The following SPATA12 variants were observed in gnomAD, a reference collection of about 807,000 sequenced individuals.
The protein encoded by SPATA12 is spermatogenesis-associated protein 12.
For synonymous variants in SPATA12, 85 were observed against 89.2 expected, an observed-to-expected ratio of 0.95 and a Z score of 0.26; for missense variants, 219 against 226.4, an observed-to-expected ratio of 0.97 and a Z score of 0.21.
At position 57,075,113 on chromosome 3, in the gene SPATA12, G is replaced by T; in HGVS notation, c.*846G>T. On this transcript the variant is annotated 3_prime_UTR_variant, in exon 2 of 2. Coordinates refer to ENST00000334325, the MANE Select transcript of SPATA12 (RefSeq NM_181727.2). Reference sequence around the variant, plus strand: ...TGAGGTTGCATGCAATTGTCCATGAGGCTGCTCCCTCATTTGTCTGGGTTT... The same window carrying T: ...TGAGGTTGCATGCAATTGTCCATGATGCTGCTCCCTCATTTGTCTGGGTTT... 1 of 167,244 alleles carries T rather than the reference G, an allele frequency of 6.0e-6. No individual in the cohort carries two copies. 10.4% of individuals were successfully genotyped at this position (167,244 alleles called of 1,614,324 possible). A position where few individuals can be genotyped will look rare whatever the true frequency, so the allele number is the denominator to read the frequency against.
In SPATA12 at chr3:57,074,892, G is replaced by C. The variant is rs935919110; in HGVS notation, c.*625G>C. ...TGTAAATGTAGGTACCAGCCTTCTAGTTGACCATCAGAACACACAACGCCA... is the reference window on the plus strand; with the variant it reads ...TGTAAATGTAGGTACCAGCCTTCTACTTGACCATCAGAACACACAACGCCA... On this transcript the variant is annotated 3_prime_UTR_variant, in exon 2 of 2. Coordinates refer to ENST00000334325, the MANE Select transcript of SPATA12 (RefSeq NM_181727.2). The C allele has an allele frequency of 6.0e-6, 1 of 167,456 alleles. No individual in the cohort carries two copies. Among genetic ancestry groups the C allele is most frequent in the Admixed American group, 6.5e-5 (1 of 15,312 alleles). 10.4% of individuals were successfully genotyped at this position (167,456 alleles called of 1,614,324 possible).
intron 1 of SPATA12, among the ~76,000 whole-genome samples, chr3:57,065,094 GA>G (rs1248701499): frequency 6.6e-6 from 1 of 152,222 alleles, no homozygotes; most frequent in African/African-American, 2.4e-5. Context: ...TTTAAGTTGG[GA>G]GAAATAACTG....
chr3:57,074,295 G>T lies in SPATA12; in HGVS notation c.*28G>T. Reference sequence around the variant, plus strand: ...AATAATAATCCTGCAACATCTGAGAGTCTGGCAGCTGTTTGTCTGGGCCTT... The same window carrying T: ...AATAATAATCCTGCAACATCTGAGATTCTGGCAGCTGTTTGTCTGGGCCTT... On this transcript the variant is annotated 3_prime_UTR_variant, in exon 2 of 2. Transcript: ENST00000334325. 6.3e-7 allele frequency: 1 copy of T among 1,585,218 alleles called. No individual in the cohort carries two copies. The highest frequency in any genetic ancestry group is 1.1e-5 in the South Asian group (1 of 87,718).
At position 57,073,394 on chromosome 3, in the gene SPATA12, C is replaced by T. The variant is rs769773979; in HGVS notation, c.-301C>T. On this transcript the variant is annotated 5_prime_UTR_variant, in exon 2 of 2. Transcript: ENST00000334325. ...AAAGGGAAGGAAAGAGAGAGAAAGC[C>T]ACTGGAGTTGGGCAGCGTGGGAAGC... is the stretch of plus-strand genomic sequence containing the variant. 7 of 323,720 alleles carry T rather than the reference C, an allele frequency of 2.2e-5. No homozygotes were observed. Among genetic ancestry groups the T allele is most frequent in the Non-Finnish European group, 4.0e-5 (7 of 177,134 alleles). The allele number at this position is 323,720 out of a possible 1,614,324, so 20.1% of individuals were successfully genotyped here.
intron 1 of SPATA12, among the ~76,000 whole-genome samples, chr3:57,071,991 A>G (rs1204841674): frequency 1.3e-5 from 2 of 152,248 alleles, no homozygotes; most frequent in African/African-American, 4.8e-5. Flanking sequence ...AAGAAGATAC[A>G]CAAATGGCCA....
At chr3:57,067,987 C>T (rs1705657176) in intron 1 of SPATA12, among the ~76,000 whole-genome samples, 1 of 150,362 alleles carries the variant, frequency 6.7e-6, no homozygotes, top group Non-Finnish European at 1.5e-5. Context: ...AAGACTCCGT[C>T]TCAAAAAAAA....
chr3:57,072,207 T>C (rs553887613), intron 1 of SPATA12, among the ~76,000 whole-genome samples: 70 of 152,308 alleles, frequency 4.6e-4, no homozygotes, highest in Middle Eastern at 3.4e-3. Flanking sequence ...GGAAACAGTT[T>C]GGCAGTTCCT....
rs1265488624 is a variant in SPATA12, at chr3:57,070,046, TAGC to T, written c.-329-3314_-329-3312del. Among the ~76,000 whole-genome samples the T allele has an allele frequency of 3.3e-5, 5 of 152,358 alleles. No individual in the cohort carries two copies. In the East Asian group the frequency reaches 5.8e-4, roughly 18 times the overall value. On this transcript the variant is annotated intron_variant, in intron 1 of 1. Coordinates refer to ENST00000334325, the MANE Select transcript of SPATA12 (RefSeq NM_181727.2). Reference sequence around the variant, plus strand: ...TGGGGGTGAGGGGCTAAGATTGTTTTAGCAGCAGAACTCTTTCCTCAAATGAAA... The same window carrying T: ...TGGGGGTGAGGGGCTAAGATTGTTTTAGCAGAACTCTTTCCTCAAATGAAA...
intron 1 of SPATA12, among the ~76,000 whole-genome samples, chr3:57,068,968 C>A (rs953134532): frequency 6.7e-6 from 1 of 149,334 alleles, no homozygotes; most frequent in South Asian, 2.1e-4. Flanking sequence ...ATCACCCAAG[C>A]TGGAGTGCTA....
intron 1 of SPATA12, among the ~76,000 whole-genome samples, chr3:57,068,164 C>T (rs1364041766): frequency 1.9e-5 from 1 of 53,886 alleles, no homozygotes; most frequent in African/African-American, 7.3e-5. Context: ...CGCGCACACA[C>T]ACATACACAC....
At chr3:57,069,191 G>A (rs1261440547) in intron 1 of SPATA12, among the ~76,000 whole-genome samples, 2 of 152,162 alleles carry the variant, frequency 1.3e-5, no homozygotes, top group African/African-American at 4.8e-5. Flanking sequence ...AAAGTGCTAG[G>A]ATTACAGGCG....
intron 1 of SPATA12, among the ~76,000 whole-genome samples, chr3:57,067,120 A>G (rs1254938354): frequency 2.0e-5 from 3 of 152,166 alleles, no homozygotes; most frequent in Non-Finnish European, 4.4e-5. Flanking sequence ...ATAAAAATAT[A>G]TTTTTTAAAA....
In SPATA12 at chr3:57,064,493, C is replaced by T. The variant is rs538945613; in HGVS notation, c.-330+3707C>T. Among the ~76,000 whole-genome samples the T allele has an allele frequency of 3.9e-5, 6 of 152,122 alleles. No individual in the cohort carries two copies. In the East Asian group the frequency reaches 1.2e-3, roughly 29 times the overall value. Reference sequence around the variant, plus strand: ...GCATGCCACCACGCCCAGCAAATTGCTGTATTTTTTGTAGACAGGGTATCA... The same window carrying T: ...GCATGCCACCACGCCCAGCAAATTGTTGTATTTTTTGTAGACAGGGTATCA... On this transcript the variant is annotated intron_variant, in intron 1 of 1. Transcript: ENST00000334325.
chr3:57,066,778 C>A (rs988133735), intron 1 of SPATA12, among the ~76,000 whole-genome samples: 4 of 152,116 alleles, frequency 2.6e-5, no homozygotes, highest in Admixed American at 2.0e-4. Context: ...GGGCTTTATC[C>A]AATCAGCTAT....
chr3:57,062,077 T>C (rs1057311420), intron 1 of SPATA12, among the ~76,000 whole-genome samples: 3 of 152,102 alleles, frequency 2.0e-5, no homozygotes, highest in African/African-American at 4.8e-5. Flanking sequence ...CTCCACTGGA[T>C]TGGATCTGTC....
Position 57,073,532 on chromosome 3 carries a change from T to TATCA in SPATA12, c.-163_-162insATCA. Reference sequence around the variant, plus strand: ...TGGGTGACTGTGGGGTTTGGCTCTGTTTGAGCACCCCGGGATGATTGGTGG... The same window carrying TATCA: ...TGGGTGACTGTGGGGTTTGGCTCTGTATCATTGAGCACCCCGGGATGATTGGTGG... On this transcript the variant is annotated 5_prime_UTR_variant, in exon 2 of 2. An upstream open reading frame in the 5' UTR loses its in-frame stop. Coordinates refer to ENST00000334325, the MANE Select transcript of SPATA12 (RefSeq NM_181727.2). 8.0e-7 allele frequency: 1 copy of TATCA among 1,248,334 alleles called. No homozygotes were observed. The highest frequency in any genetic ancestry group is 1.6e-5 in the South Asian group (1 of 61,056). 77.3% of individuals were successfully genotyped at this position (1,248,334 alleles called of 1,614,324 possible). A position where few individuals can be genotyped will look rare whatever the true frequency, so the allele number is the denominator to read the frequency against.
At chr3:57,061,565 C>T (rs757912772) in intron 1 of SPATA12, among the ~76,000 whole-genome samples, 1 of 152,104 alleles carries the variant, frequency 6.6e-6, no homozygotes, top group Non-Finnish European at 1.5e-5. Context: ...TTATTTTTAC[C>T]TTTTGGCTAT....
chr3:57,072,434 A>G (rs529819694), intron 1 of SPATA12, among the ~76,000 whole-genome samples: 1 of 133,482 alleles, frequency 7.5e-6, no homozygotes, highest in Non-Finnish European at 1.7e-5. Context: ...TCCAGGCCAA[A>G]TAAAGAATTA....
intron 1 of SPATA12, among the ~76,000 whole-genome samples, chr3:57,071,028 A>G (rs1167892525): frequency 6.6e-6 from 1 of 151,854 alleles, no homozygotes; most frequent in Non-Finnish European, 1.5e-5. Context: ...ACAAAGTTGG[A>G]GGATTCATAC....
Sources: allele counts gnomAD v4.1 joint callset (sites outside exome capture counted in the v4.1 genomes callset), GRCh38; gene constraint gnomAD v4.1.1; transcripts MANE v1.5; gene names NCBI Gene and HGNC (gene_info 2026-07-23, HGNC 2026-07-21).